Variants in NALCN observed in about 807,000 individuals in gnomAD.
The protein encoded by NALCN is sodium leak channel NALCN.
Under a neutral mutation model 225.3 loss-of-function variants are expected in NALCN, and 111 were observed. The observed-to-expected ratio is 0.49, with a 90% CI of 0.42 to 0.58. The LOEUF (loss-of-function observed/expected upper bound fraction) is 0.58, where lower values mean the gene tolerates loss of function less well. Ranked by LOEUF, NALCN falls within the 20% of genes least tolerant of loss-of-function variation. The pLI is 0.00. For missense variants in NALCN, 1,378 were observed against 2,202.4 expected (o/e 0.63, Z 7.49); for synonymous variants, 764 against 769.0 (o/e 0.99, Z 0.11).
At chr13:101,183,751 G>T (rs927105810) in intron 14 of NALCN, among the ~76,000 whole-genome samples, 2 of 151,926 alleles carry the variant, frequency 1.3e-5, no homozygotes, top group African/African-American at 2.4e-5. Flanking sequence ...GAGCCACCAC[G>T]CCTGGCCCGA....
chr13:101,127,519 G>A (rs971245452), intron 17 of NALCN, among the ~76,000 whole-genome samples: 3 of 151,920 alleles, frequency 2.0e-5, no homozygotes, highest in South Asian at 2.1e-4. Flanking sequence ...CTACCACACC[G>A]GCTAATTTTT....
chr13:101,182,409 T>C (rs2039277818), intron 14 of NALCN, among the ~76,000 whole-genome samples: 2 of 152,128 alleles, frequency 1.3e-5, no homozygotes, highest in South Asian at 4.1e-4. Context: ...ACTTAAAGAA[T>C]TAGAACAAAC....
chr13:101,206,846 G>C (rs1047132676), intron 13 of NALCN, among the ~76,000 whole-genome samples: 2 of 151,520 alleles, frequency 1.3e-5, no homozygotes, highest in African/African-American at 4.8e-5. Context: ...ATTGAATTCA[G>C]CTGCAAATAT....
intron 27 of NALCN, among the ~76,000 whole-genome samples, chr13:101,097,459 A>G (rs1054618674): frequency 9.9e-5 from 15 of 152,100 alleles, no homozygotes; most frequent in African/African-American, 3.1e-4. Flanking sequence ...GCCTTTTCCA[A>G]TTTGTCTTCC....
In NALCN at chr13:101,361,204, T is replaced by C. The variant is rs1478402718; in HGVS notation, c.644+15496A>G. On this transcript the variant is annotated intron_variant, in intron 6 of 43. Transcript: ENST00000251127. ...CTGTAGTTATGCATACTTATTATGG[T>C]TTCTATCATGGGGAAAACCAAGCTG... Among the ~76,000 whole-genome samples, 8 of 152,128 alleles carry C rather than the reference T, an allele frequency of 5.3e-5. No homozygotes were observed. The East Asian group carries it at 1.5e-3, about 29-fold the overall frequency.
At chr13:101,220,410 G>T (rs2040892315) in intron 13 of NALCN, among the ~76,000 whole-genome samples, 1 of 152,110 alleles carries the variant, frequency 6.6e-6, no homozygotes, top group African/African-American at 2.4e-5. Context: ...TTTCTATCTG[G>T]CAAGTAAGAC....
chr13:101,065,049 C>A (rs34473523), intron 40 of NALCN, among the ~76,000 whole-genome samples: 40,468 of 152,076 alleles, frequency 0.27, 6,779 homozygotes, highest in East Asian at 0.47. Flanking sequence ...TAACCGCAAG[C>A]AAGTCACTCA....
At chr13:101,270,270 C>A (rs2140249553) in intron 10 of NALCN, among the ~76,000 whole-genome samples, 1 of 152,304 alleles carries the variant, frequency 6.6e-6, no homozygotes, top group East Asian at 1.9e-4. Flanking sequence ...GGAAGGACTA[C>A]AATAGGGCTG....
intron 1 of NALCN, among the ~76,000 whole-genome samples, chr13:101,411,561 G>T (rs1319948062): frequency 2.6e-5 from 4 of 151,916 alleles, no homozygotes; most frequent in African/African-American, 9.7e-5. Context: ...TGTTGGCCAC[G>T]CTGGTCTCAA....
At chr13:101,396,013 G>GA (rs1206309385) in intron 2 of NALCN, among the ~76,000 whole-genome samples, 1 of 151,618 alleles carries the variant, frequency 6.6e-6, no homozygotes, top group Admixed American at 6.6e-5. Context: ...TCCTACATTT[G>GA]AAAAAAATGC....
At chr13:101,272,890 C>T (rs2042842913) in intron 10 of NALCN, among the ~76,000 whole-genome samples, 1 of 152,168 alleles carries the variant, frequency 6.6e-6, no homozygotes, top group South Asian at 2.1e-4. Flanking sequence ...GCTCACATCA[C>T]ACAGGCCACC....
Position 101,345,290 on chromosome 13 carries a change from C to T in NALCN, c.775G>A (p.Gly259Ser), listed in dbSNP as rs1307862342. The T allele has an allele frequency of 6.2e-7, 1 of 1,613,568 alleles. No individual in the cohort carries two copies. ...CCTATCTCATTAAAGCCACTGTAGCCCAGCTCTTGCCTGCTAAGTCCCAGA... is the reference window on the plus strand; with the variant it reads ...CCTATCTCATTAAAGCCACTGTAGCTCAGCTCTTGCCTGCTAAGTCCCAGA... Reference protein sequence around the residue: ...EDLGLSRQELGYSGFNEIGTS... With the variant: ...EDLGLSRQELSYSGFNEIGTS... Residue 259 changes from glycine (G) to serine (S), a missense_variant, in exon 7 of 44, where the codon GGC becomes AGC. By Grantham distance (56) the Gly-to-Ser change is moderately conservative. Transcript: ENST00000251127.
rs552566795 is a variant in NALCN, at chr13:101,190,190, C to A, written c.1764+1727G>T. ...AACATTTTCAGTGAGGAAAGTAAAC[C>A]ATTTTGTTGCTTTATTAGGAAAACG... On this transcript the variant is annotated intron_variant, in intron 14 of 43. Coordinates refer to ENST00000251127, the MANE Select transcript of NALCN (RefSeq NM_052867.4). Among the ~76,000 whole-genome samples, 165 of 152,130 alleles carry A rather than the reference C, an allele frequency of 1.1e-3. 2 individuals carry two copies. Among genetic ancestry groups the A allele is most frequent in the South Asian group, 8.7e-3 (42 of 4,824 alleles).
At chr13:101,205,153 CAAAG>C in intron 13 of NALCN, among the ~76,000 whole-genome samples, 2 of 152,144 alleles carry the variant, frequency 1.3e-5, no homozygotes, top group African/African-American at 4.8e-5. Context: ...ATTAATAAAA[CAAAG>C]AACATACATG....
At chr13:101,199,343 T>G (rs888401714) in intron 13 of NALCN, among the ~76,000 whole-genome samples, 7 of 151,510 alleles carry the variant, frequency 4.6e-5, no homozygotes, top group Admixed American at 4.6e-4. Flanking sequence ...TAAAGACACA[T>G]GCACACATAT....
rs144205691 is a variant in NALCN, at chr13:101,410,369, T to C, written c.-40+5944A>G. On this transcript the variant is annotated intron_variant, in intron 1 of 43. Transcript: ENST00000251127. The stretch of plus-strand genomic sequence containing the variant: ...TTAGAGAGTTCACATTGCATAGTCA[T>C]GGCTCTGTGTGGAAAAGAATAAGAG... Among the ~76,000 whole-genome samples the C allele has an allele frequency of 2.0e-3, 302 of 152,344 alleles. 2 individuals carry two copies. Among genetic ancestry groups the C allele is most frequent in the African/African-American group, 7.1e-3 (294 of 41,584 alleles).
At chr13:101,114,215 C>G (rs1355834308) in intron 18 of NALCN, among the ~76,000 whole-genome samples, 1 of 152,202 alleles carries the variant, frequency 6.6e-6, no homozygotes, top group Non-Finnish European at 1.5e-5. Context: ...TGTGCTTTCT[C>G]TAAGCCTCCA....
At chr13:101,091,828 T>C (rs1422075521) in intron 28 of NALCN, among the ~76,000 whole-genome samples, 1 of 152,226 alleles carries the variant, frequency 6.6e-6, no homozygotes, top group Non-Finnish European at 1.5e-5. Flanking sequence ...CTGAAACTAC[T>C]GTTATGTTCT....
rs533431762 is a variant in NALCN, at chr13:101,260,008, G to A, written c.1135-1434C>T. On this transcript the variant is annotated intron_variant, in intron 10 of 43. Coordinates refer to ENST00000251127, the MANE Select transcript of NALCN (RefSeq NM_052867.4). ...TTTTTTGTTCCCATTAACCATCCCT[G>A]CCTCCCCCCGTCCCCCCAGTACCCA... 4.9e-4 allele frequency among the ~76,000 whole-genome samples: 74 copies of A among 151,020 alleles called. 2 individuals are homozygous for A. Among genetic ancestry groups the A allele is most frequent in the African/African-American group, 1.7e-3 (71 of 41,116 alleles).
Sources: allele counts gnomAD v4.1 joint callset (sites outside exome capture counted in the v4.1 genomes callset), GRCh38; gene constraint gnomAD v4.1.1; transcripts MANE v1.5; gene names NCBI Gene and HGNC (gene_info 2026-07-23, HGNC 2026-07-21).